Variants in ANGPT1 observed in about 807,000 individuals in gnomAD.
The protein encoded by ANGPT1 is angiopoietin 1.
Under a neutral mutation model 62.2 loss-of-function variants are expected in ANGPT1, and 17 were observed. That is an observed-to-expected ratio of 0.27 (90% CI 0.19 to 0.41). ANGPT1 has a LOEUF of 0.41. ANGPT1 is among the 10% of genes least tolerant of loss of function. The pLI is 1.00. For missense variants in ANGPT1, 478 were observed against 594.9 expected (o/e 0.80, Z 2.04); for synonymous variants, 199 against 198.9 (o/e 1.00, Z 0.00).
At chr8:107,475,057 C>A (rs1812477274) in intron 1 of ANGPT1, among the ~76,000 whole-genome samples, 1 of 152,186 alleles carries the variant, frequency 6.6e-6, no homozygotes, top group African/African-American at 2.4e-5. Context: ...CTACCAATGA[C>A]TTTCTTGACA....
In ANGPT1 at chr8:107,461,307, G is replaced by C. The variant is rs542265261; in HGVS notation, c.297+35955C>G. Among the ~76,000 whole-genome samples, 46 of 152,152 alleles carry C rather than the reference G, an allele frequency of 3.0e-4. 2 individuals carry two copies. The South Asian group carries it at 9.3e-3, about 31-fold the overall frequency. Reference sequence around the variant, plus strand: ...CAACATAAGTTAAGTTTTAGTAAAAGGTACTTATGCTATTAAAAACCTGAA... The same window carrying C: ...CAACATAAGTTAAGTTTTAGTAAAACGTACTTATGCTATTAAAAACCTGAA... On this transcript the variant is annotated intron_variant, in intron 1 of 8. Coordinates refer to ENST00000517746, the MANE Select transcript of ANGPT1 (RefSeq NM_001146.5).
chr8:107,272,921 T>A (rs1316669074), intron 7 of ANGPT1, among the ~76,000 whole-genome samples: 1 of 149,686 alleles, frequency 6.7e-6, no homozygotes, highest in Non-Finnish European at 1.5e-5. Context: ...CCAAAATGAA[T>A]CACGTGACAC....
At chr8:107,335,751 C>CT (rs1291677964) in intron 3 of ANGPT1, among the ~76,000 whole-genome samples, 1 of 152,106 alleles carries the variant, frequency 6.6e-6, no homozygotes, top group Non-Finnish European at 1.5e-5. Context: ...TTGTAAAAGC[C>CT]TAAGAATTGG....
At chr8:107,256,196 A>G (rs1019502236) in intron 8 of ANGPT1, among the ~76,000 whole-genome samples, 2 of 152,210 alleles carry the variant, frequency 1.3e-5, no homozygotes, top group Admixed American at 1.3e-4. Flanking sequence ...GAAATAAAAG[A>G]GCAATTATTT....
At chr8:107,291,560 T>A (rs1490720512) in intron 6 of ANGPT1, among the ~76,000 whole-genome samples, 1 of 151,854 alleles carries the variant, frequency 6.6e-6, no homozygotes, top group African/African-American at 2.4e-5. Flanking sequence ...TACAGGCACG[T>A]GCCACCACAC....
chr8:107,439,360 C>CA (rs969575717), intron 1 of ANGPT1, among the ~76,000 whole-genome samples: 17 of 152,152 alleles, frequency 1.1e-4, no homozygotes, highest in African/African-American at 3.9e-4. Flanking sequence ...TCTAGAAAGC[C>CA]AAAATGAGAA....
intron 3 of ANGPT1, among the ~76,000 whole-genome samples, chr8:107,327,135 G>T (rs56969075): frequency 0.062 from 9,404 of 152,066 alleles, 696 homozygotes; most frequent in African/African-American, 0.18. Flanking sequence ...TTGTCAAGTC[G>T]ATTTTTAACA....
chr8:107,276,732 G>A (rs1813875693), intron 7 of ANGPT1, among the ~76,000 whole-genome samples: 1 of 152,070 alleles, frequency 6.6e-6, no homozygotes. Flanking sequence ...ATTGTCCAAG[G>A]TCATTCAGAA....
chr8:107,379,960 T>C (rs1158993003), intron 1 of ANGPT1, among the ~76,000 whole-genome samples: 1 of 152,084 alleles, frequency 6.6e-6, no homozygotes, highest in Non-Finnish European at 1.5e-5. Context: ...AAAGGGATAC[T>C]GGTAAAAAAT....
chr8:107,445,449 T>C (rs1457521236), intron 1 of ANGPT1, among the ~76,000 whole-genome samples: 1 of 152,226 alleles, frequency 6.6e-6, no homozygotes, highest in Non-Finnish European at 1.5e-5. Flanking sequence ...TCAAAAATTA[T>C]ATGTGGTCAG....
At chr8:107,302,653 C>T (rs1814620838) in intron 5 of ANGPT1, among the ~76,000 whole-genome samples, 1 of 151,886 alleles carries the variant, frequency 6.6e-6, no homozygotes, top group South Asian at 2.1e-4. Context: ...AGAGATGTTA[C>T]AGCAGGAAGA....
At chr8:107,265,867 T>A (rs763860234) in intron 7 of ANGPT1, among the ~76,000 whole-genome samples, 15 of 152,034 alleles carry the variant, frequency 9.9e-5, no homozygotes, top group Middle Eastern at 3.4e-3. Flanking sequence ...TATGTATATA[T>A]CCTACTGTTT....
intron 1 of ANGPT1, among the ~76,000 whole-genome samples, chr8:107,386,964 A>G (rs976317428): frequency 6.6e-5 from 10 of 152,090 alleles, no homozygotes; most frequent in African/African-American, 2.4e-4. Context: ...ACAAGTTATT[A>G]GACACAAACT....
At chr8:107,405,078 T>C (rs1311441025) in intron 1 of ANGPT1, among the ~76,000 whole-genome samples, 1 of 151,952 alleles carries the variant, frequency 6.6e-6, no homozygotes, top group Non-Finnish European at 1.5e-5. Context: ...ATATTAATTG[T>C]AGTAAATTTT....
chr8:107,269,469 T>G (rs147460289), intron 7 of ANGPT1, among the ~76,000 whole-genome samples: 71 of 152,150 alleles, frequency 4.7e-4, no homozygotes, highest in African/African-American at 1.6e-3. Flanking sequence ...AGACTTTCAG[T>G]TTATCAAAGA....
chr8:107,380,359 T>TTGTGTGTGTGTGTG (rs71308731), intron 1 of ANGPT1, among the ~76,000 whole-genome samples: 35 of 148,786 alleles, frequency 2.4e-4, no homozygotes, highest in African/African-American at 7.4e-4. Flanking sequence ...TGCAGGATGT[T>TTGTGTGTGTGTGTG]TGTGTGTGTG....
rs988087985 is a variant in ANGPT1 at position 107,331,027 on chromosome 8, T to C, written c.575+5123A>G. On this transcript the variant is annotated intron_variant, in intron 3 of 8. Transcript: ENST00000517746. ...AAAGTCACCTTTTTTATCCTTGTTATAAACAACTAATATAATTCAGCCTAG... is the reference window on the plus strand; with the variant it reads ...AAAGTCACCTTTTTTATCCTTGTTACAAACAACTAATATAATTCAGCCTAG... Among the ~76,000 whole-genome samples the C allele has an allele frequency of 4.6e-5, 7 of 152,272 alleles. No homozygotes were observed. In the East Asian group the frequency reaches 1.2e-3, roughly 25 times the overall value.
At chr8:107,319,839 A>G (rs1327281743) in intron 4 of ANGPT1, among the ~76,000 whole-genome samples, 2 of 152,106 alleles carry the variant, frequency 1.3e-5, no homozygotes, top group Non-Finnish European at 2.9e-5. Flanking sequence ...ATATTTAGTT[A>G]GAACGCTTAA....
At chr8:107,345,383 T>G (rs1486540733) in intron 2 of ANGPT1, among the ~76,000 whole-genome samples, 1 of 152,150 alleles carries the variant, frequency 6.6e-6, no homozygotes, top group East Asian at 1.9e-4. Flanking sequence ...GCACGCATCT[T>G]AACAGTTTGG....
Sources: allele counts gnomAD v4.1 joint callset (sites outside exome capture counted in the v4.1 genomes callset), GRCh38; gene constraint gnomAD v4.1.1; transcripts MANE v1.5; gene names NCBI Gene and HGNC (gene_info 2026-07-23, HGNC 2026-07-21).